The following DYNC1H1 variants were observed in gnomAD, a reference collection of about 807,000 sequenced individuals.
The protein encoded by DYNC1H1 is dynein cytoplasmic 1 heavy chain 1, also known as cytoplasmic dynein 1 heavy chain 1.
A neutral mutation model predicts 527.1 loss-of-function variants in DYNC1H1; 51 were observed. The ratio of observed to expected loss-of-function variants is 0.10; its 90% confidence interval spans 0.08 to 0.12. DYNC1H1 has a LOEUF of 0.12. Ranked by LOEUF, DYNC1H1 falls within the 10% of genes least tolerant of loss-of-function variation. The pLI, the probability that DYNC1H1 is intolerant of heterozygous loss-of-function variation, is 1.00. For synonymous variants in DYNC1H1, 2,189 were observed against 2,278.8 expected (o/e 0.96, Z 1.12); for missense variants, 2,771 against 5,971.8 (o/e 0.46, Z 17.66).
In DYNC1H1 at chr14:102,039,403, T is replaced by G; in HGVS notation, c.11461-9T>G. ...AGCTGCCTCACCGCTGCCCACTGCT[T>G]CCTTTCAGATACACTTCTTGTACCA... On this transcript the variant is annotated splice_polypyrimidine_tract_variant and intron_variant, in intron 60 of 77. Transcript: ENST00000360184. The surrounding 1 kb of genome is among the most constrained non-coding windows in gnomAD (Gnocchi z 7.0). 1 of 1,614,224 alleles carries G rather than the reference T, an allele frequency of 6.2e-7. No individual in the cohort carries two copies. The highest frequency in any genetic ancestry group is 1.6e-4 in the Middle Eastern group (1 of 6,062).
Position 101,996,655 on chromosome 14 carries a change from C to T in DYNC1H1, c.3565-380C>T, listed in dbSNP as rs116478342. 6.3e-3 allele frequency among the ~76,000 whole-genome samples: 949 copies of T among 151,660 alleles called. 9 individuals are homozygous for T. Among genetic ancestry groups the T allele is most frequent in the African/African-American group, 0.022 (922 of 41,368 alleles). On this transcript the variant is annotated intron_variant, in intron 15 of 77. Transcript: ENST00000360184. ...TTGTTTTGTTTGAGGCAGCATCTCA[C>T]CTGTCACCCAGGCTGGAGTGCAGTG... is the stretch of plus-strand genomic sequence containing the variant.
At chr14:102,003,858 G>A (rs189216179) in intron 23 of DYNC1H1, among the ~76,000 whole-genome samples, 372 of 152,184 alleles carry the variant, frequency 2.4e-3, no homozygotes, top group Non-Finnish European at 3.8e-3. Context: ...TCCGGGAGGC[G>A]GAGGTTGCAG....
chr14:102,019,864 T>C, intron 41 of DYNC1H1, 29 bp from the exon 42 acceptor site: 1 of 1,614,050 alleles, frequency 6.2e-7, no homozygotes, highest in Middle Eastern at 1.6e-4. Context: ...GATATTTACG[T>C]GTACCTTCCA....
In DYNC1H1 at chr14:102,039,830, CTTTTA is replaced by C. The variant is rs1446063384; in HGVS notation, c.11690+103_11690+107del. ...GCTTTTATTATTTCTTTTATTTTCT[CTTTTA>C]TTTTCTTTATTTTATTTTTTGAGAC... is the stretch of plus-strand genomic sequence containing the variant. On this transcript the variant is annotated intron_variant, in intron 62 of 77. Coordinates refer to ENST00000360184, the MANE Select transcript of DYNC1H1 (RefSeq NM_001376.5). This position sits in a 1 kb window ranked among gnomAD's most constrained non-coding sequence, Gnocchi z 7.0. The C allele has an allele frequency of 1.1e-4, 152 of 1,383,950 alleles. 3 individuals are homozygous for C. The South Asian group carries it at 1.8e-3, about 17-fold the overall frequency. The allele number at this position is 1,383,950 out of a possible 1,614,324, so 85.7% of individuals were successfully genotyped here.
rs1389914226 is a variant in DYNC1H1, at chr14:102,016,732, G to A, written c.7615-34G>A. On this transcript the variant is annotated intron_variant, in intron 37 of 77. Coordinates refer to ENST00000360184, the MANE Select transcript of DYNC1H1 (RefSeq NM_001376.5). This position sits in a 1 kb window ranked among gnomAD's most constrained non-coding sequence, Gnocchi z 7.3. Reference sequence around the variant, plus strand: ...AACCTCGTGAGGAGGCACCTTGGTTGCAGCCGGACTCACACTTCCATCTCC... The same window carrying A: ...AACCTCGTGAGGAGGCACCTTGGTTACAGCCGGACTCACACTTCCATCTCC... The A allele has an allele frequency of 1.2e-6, 2 of 1,607,464 alleles. No individual in the cohort carries two copies. The highest frequency in any genetic ancestry group is 1.7e-5 in the Admixed American group (1 of 59,188).
intron 1 of DYNC1H1, among the ~76,000 whole-genome samples, chr14:101,974,233 G>A (rs1295430899): frequency 6.6e-6 from 1 of 152,156 alleles, no homozygotes; most frequent in Non-Finnish European, 1.5e-5. Context: ...CCGAGTAGCT[G>A]GAATTACAGG....
At position 102,012,175 on chromosome 14, in the gene DYNC1H1, C is replaced by T. The variant is rs1187967496; in HGVS notation, c.6857+62C>T. The T allele has an allele frequency of 7.5e-6, 12 of 1,605,026 alleles. No individual in the cohort carries two copies. The highest frequency in any genetic ancestry group is 1.7e-4 in the Middle Eastern group (1 of 6,046). ...ATATGGGCGCTAAGTACTTTGCTCT[C>T]ACAAGAGCAGAGTATACGTTATTTT... On this transcript the variant is annotated intron_variant, in intron 33 of 77. Transcript: ENST00000360184. The surrounding 1 kb of genome is among the most constrained non-coding windows in gnomAD (Gnocchi z 4.9).
chr14:102,049,692 TG>T lies in DYNC1H1; in HGVS notation c.13516-17del. 1 of 1,613,840 alleles carries T rather than the reference TG, an allele frequency of 6.2e-7. No homozygotes were observed. ...CAGGTCTGACCTGAGCTCCTTCCCC[TG>T]GGGGCTGCTGCTTTCCACAGAACAT... On this transcript the variant is annotated intron_variant, in intron 75 of 77. Coordinates refer to ENST00000360184, the MANE Select transcript of DYNC1H1 (RefSeq NM_001376.5). The surrounding 1 kb of genome is among the most constrained non-coding windows in gnomAD (Gnocchi z 5.5).
chr14:101,991,302 G>A lies in DYNC1H1; in HGVS notation c.2869-225G>A, dbSNP rs569288043. On this transcript the variant is annotated intron_variant, in intron 10 of 77. Transcript: ENST00000360184. ...CAACCTGACCAACATGCTGAAACCC[G>A]TCTCTACTAAAAATATATAATTAGC... Among the ~76,000 whole-genome samples the A allele has an allele frequency of 1.4e-4, 21 of 152,148 alleles. No homozygotes were observed. In the South Asian group the frequency reaches 3.1e-3, roughly 23 times the overall value.
chr14:102,036,376 G>A lies in DYNC1H1; in HGVS notation c.10755-113G>A. 2.1e-6 allele frequency: 3 copies of A among 1,416,066 alleles called. No individual in the cohort carries two copies. Among genetic ancestry groups the A allele is most frequent in the Non-Finnish European group, 3.0e-6 (3 of 1,008,322 alleles). 87.7% of individuals were successfully genotyped at this position (1,416,066 alleles called of 1,614,324 possible). On this transcript the variant is annotated intron_variant, in intron 56 of 77. Coordinates refer to ENST00000360184, the MANE Select transcript of DYNC1H1 (RefSeq NM_001376.5). The surrounding 1 kb of genome is among the most constrained non-coding windows in gnomAD (Gnocchi z 5.6). ...AAAACGTCTCCGGAAACCACTCTCGGGTGGTGGTAACAGCCTATCAATCAG... is the reference window on the plus strand; with the variant it reads ...AAAACGTCTCCGGAAACCACTCTCGAGTGGTGGTAACAGCCTATCAATCAG...
At chr14:102,008,070 A>G in intron 28 of DYNC1H1, 108 bp from the exon 29 acceptor site, 1 of 1,530,378 alleles carries the variant, frequency 6.5e-7, no homozygotes, top group Non-Finnish European at 9.0e-7. Flanking sequence ...CGCTAAAGAC[A>G]AACCCACTAG....
In DYNC1H1 at chr14:102,039,160, T is replaced by C. The variant is rs775444653; in HGVS notation, c.11366T>C (p.Ile3789Thr). 89 of 1,614,036 alleles carry C rather than the reference T, an allele frequency of 5.5e-5. 1 individual carries two copies. Among genetic ancestry groups the C allele is most frequent in the Non-Finnish European group, 1.7e-6 (2 of 1,180,026 alleles). ...ACCAGGAAAGTTGAGGAGACGGACA[T>C]TGTCATGCAGGAGGTGGAGACCGTG... ...EVTRKVEETD[I>T]VMQEVETVSQ... Residue 3789 changes from isoleucine (I) to threonine (T), a missense_variant, in exon 60 of 78, where the codon ATT (isoleucine) becomes ACT (threonine). Physicochemically the swap from Ile to Thr is moderately conservative, Grantham distance 89. This residue lies in a region of DYNC1H1 where 283 missense variants were observed against 737.6 expected (regional missense o/e 0.38). Transcript: ENST00000360184. The surrounding 1 kb of genome is among the most constrained non-coding windows in gnomAD (Gnocchi z 7.0).
Position 101,982,641 on chromosome 14 carries a change from G to A in DYNC1H1, c.962-378G>A, listed in dbSNP as rs373359390. Among the ~76,000 whole-genome samples the A allele has an allele frequency of 1.3e-4, 19 of 151,948 alleles. No homozygotes were observed. In the East Asian group the frequency reaches 2.5e-3, roughly 20 times the overall value. ...AGTGCACAATAAATGTAATGTGCTC[G>A]AATCACCTAGAAACTACCCACCCCC... On this transcript the variant is annotated intron_variant, in intron 5 of 77. Coordinates refer to ENST00000360184, the MANE Select transcript of DYNC1H1 (RefSeq NM_001376.5).
rs1438746756 is a variant in DYNC1H1 at position 102,042,823 on chromosome 14, G to A, written c.12513+75G>A. 1 of 1,543,284 alleles carries A rather than the reference G, an allele frequency of 6.5e-7. No individual in the cohort carries two copies. The highest frequency in any genetic ancestry group is 8.9e-7 in the Non-Finnish European group (1 of 1,128,482). ...AGTCCCATCACCAAATGCAGAAGTG[G>A]GTCCCTGGGCCCCCGGAAGTGCCGT... On this transcript the variant is annotated intron_variant, in intron 69 of 77. Coordinates refer to ENST00000360184, the MANE Select transcript of DYNC1H1 (RefSeq NM_001376.5). The surrounding 1 kb of genome is among the most constrained non-coding windows in gnomAD (Gnocchi z 5.7).
rs1279623860 is a variant in DYNC1H1 at position 102,032,000 on chromosome 14, T to A, written c.9884-272T>A. Among the ~76,000 whole-genome samples the A allele has an allele frequency of 2.0e-5, 3 of 152,182 alleles. No individual in the cohort carries two copies. The South Asian group carries it at 6.2e-4, about 31-fold the overall frequency. On this transcript the variant is annotated intron_variant, in intron 51 of 77. Transcript: ENST00000360184. ...TTAATCTTTATGGGGATAAAGAAAT[T>A]AGGACTTGTGAGACATTTTAAAGGT... is the stretch of plus-strand genomic sequence containing the variant.
At chr14:102,000,828 C>T (rs917194851) in intron 18 of DYNC1H1, 126 bp from the exon 19 acceptor site, 3 of 849,628 alleles carry the variant, frequency 3.5e-6, no homozygotes, top group Admixed American at 1.8e-5. Flanking sequence ...CTCGCCCGGC[C>T]TCCCAAAGTG....
In DYNC1H1 at chr14:101,966,991, A is replaced by T. The variant is rs550251571; in HGVS notation, c.256+2044A>T. ...GTTGACTAAGGAATGAGACTATCTAAAATTGAAATCCTACCTCATTTCTGT... is the reference window on the plus strand; with the variant it reads ...GTTGACTAAGGAATGAGACTATCTATAATTGAAATCCTACCTCATTTCTGT... On this transcript the variant is annotated intron_variant, in intron 1 of 77. Coordinates refer to ENST00000360184, the MANE Select transcript of DYNC1H1 (RefSeq NM_001376.5). Among the ~76,000 whole-genome samples, 31 of 152,328 alleles carry T rather than the reference A, an allele frequency of 2.0e-4. No homozygotes were observed. The East Asian group carries it at 5.2e-3, about 26-fold the overall frequency.
Position 102,010,190 on chromosome 14 carries a change from A to G in DYNC1H1, c.6222-86A>G. ...GTAATGATGGTACGTCTTTCAAAAT[A>G]TCCATCTCTGGTTTCTTGACACTTG... is the stretch of plus-strand genomic sequence containing the variant. On this transcript the variant is annotated intron_variant, in intron 30 of 77. Coordinates refer to ENST00000360184, the MANE Select transcript of DYNC1H1 (RefSeq NM_001376.5). This position sits in a 1 kb window ranked among gnomAD's most constrained non-coding sequence, Gnocchi z 6.0. 4 of 1,612,344 alleles carry G rather than the reference A, an allele frequency of 2.5e-6. No homozygotes were observed. Among genetic ancestry groups the G allele is most frequent in the Non-Finnish European group, 3.4e-6 (4 of 1,179,176 alleles).
chr14:101,968,857 C>T (rs1329703528), intron 1 of DYNC1H1, among the ~76,000 whole-genome samples: 1 of 151,964 alleles, frequency 6.6e-6, no homozygotes, highest in Admixed American at 6.6e-5. Context: ...CCATGACATC[C>T]AGCCTGAGGA....
Sources: gnomAD v4.1 joint callset for allele counts (sites outside exome capture counted in the v4.1 genomes callset) on GRCh38, gnomAD v4.1.1 for gene constraint, gnomAD v4.1.1 regional missense constraint, Gnocchi (gnomAD v3.1) non-coding constraint, MANE v1.5 for transcripts, NCBI Gene and HGNC (gene_info 2026-07-23, HGNC 2026-07-21) for gene names.